Variants in PAIP2B observed in about 807,000 individuals in gnomAD.
PAIP2B encodes poly(A) binding protein interacting protein 2B, also known as polyadenylate-binding protein-interacting protein 2B.
A neutral mutation model predicts 17.0 loss-of-function variants in PAIP2B; 13 were observed. The observed-to-expected ratio is 0.76, with a 90% CI of 0.50 to 1.22. The LOEUF (loss-of-function observed/expected upper bound fraction) is 1.22, where lower values mean the gene tolerates loss of function less well. Among genes scored for constraint, PAIP2B ranks in the 50% most tolerant of loss-of-function variants. PAIP2B has a pLI of 0.00. For missense variants in PAIP2B, 117 were observed against 144.5 expected, an observed-to-expected ratio of 0.81 and a Z score of 0.98; for synonymous variants, 43 against 48.7, an observed-to-expected ratio of 0.88 and a Z score of 0.48.
chr2:71,190,124 T>G, intron 2 of PAIP2B, 103 bp from the exon 3 acceptor site: 2 of 1,172,628 alleles, frequency 1.7e-6, no homozygotes, highest in African/African-American at 1.6e-5. Context: ...ACTCTGCAAT[T>G]AAGAATGATC....
intron 1 of PAIP2B, among the ~76,000 whole-genome samples, chr2:71,219,537 C>T (rs981681395): frequency 1.3e-5 from 2 of 152,068 alleles, no homozygotes; most frequent in East Asian, 1.9e-4. Flanking sequence ...GAGGAAAAGA[C>T]AAAGGAAAGG....
intron 1 of PAIP2B, among the ~76,000 whole-genome samples, chr2:71,213,151 C>T (rs768391787): frequency 1.3e-5 from 2 of 152,112 alleles, no homozygotes; most frequent in East Asian, 1.9e-4. Flanking sequence ...ATTCTCTTTA[C>T]GAGCTGTATA....
At position 71,182,871 on chromosome 2, in the gene PAIP2B, C is replaced by T. The variant is rs1450863052; in HGVS notation, c.*5608G>A. The T allele has an allele frequency of 1.4e-5, 2 of 146,306 alleles. No homozygotes were observed. The highest frequency in any genetic ancestry group is 7.0e-5 in the Admixed American group (1 of 14,328). The allele number at this position is 146,306 out of a possible 1,614,324, so 9.1% of individuals were successfully genotyped here. A position where few individuals can be genotyped will look rare whatever the true frequency, so the allele number is the denominator to read the frequency against. On this transcript the variant is annotated 3_prime_UTR_variant, in exon 4 of 4. Transcript: ENST00000244221. ...TCTTCAGTTTTAAAGCCCTGTCCCTCCCCCAAAGAAGGATTAATAACTACC... is the reference window on the plus strand; with the variant it reads ...TCTTCAGTTTTAAAGCCCTGTCCCTTCCCCAAAGAAGGATTAATAACTACC...
chr2:71,192,310 C>A (rs1674706213), intron 2 of PAIP2B, among the ~76,000 whole-genome samples: 1 of 148,800 alleles, frequency 6.7e-6, no homozygotes, highest in Admixed American at 6.8e-5. Flanking sequence ...AACCTTGCAT[C>A]AAGCAAGCCT....
intron 2 of PAIP2B, among the ~76,000 whole-genome samples, chr2:71,195,087 C>T (rs1674784007): frequency 1.3e-5 from 2 of 152,176 alleles, no homozygotes; most frequent in Admixed American, 1.3e-4. Context: ...CCTACTTAAT[C>T]ATTGTGGATT....
chr2:71,190,501 G>A (rs1163352567), intron 2 of PAIP2B, among the ~76,000 whole-genome samples: 6 of 152,096 alleles, frequency 3.9e-5, no homozygotes, highest in African/African-American at 7.2e-5. Context: ...GATTCAATGC[G>A]CCTAATGACT....
Position 71,183,331 on chromosome 2 carries a change from T to C in PAIP2B, c.*5148A>G, listed in dbSNP as rs1169602161. ...TGCTCATACTTATTAAATGGATTTA[T>C]TGGATGCTTCAAAAGTCCTGATGTG... On this transcript the variant is annotated 3_prime_UTR_variant, in exon 4 of 4. Transcript: ENST00000244221. The C allele has an allele frequency of 2.9e-5, 1 of 34,428 alleles. No individual in the cohort carries two copies. The highest frequency in any genetic ancestry group is 1.2e-4 in the African/African-American group (1 of 8,020). The allele number at this position is 34,428 out of a possible 1,614,324, so 2.1% of individuals were successfully genotyped here.
At chr2:71,193,094 C>G (rs183758187) in intron 2 of PAIP2B, among the ~76,000 whole-genome samples, 3 of 152,110 alleles carry the variant, frequency 2.0e-5, no homozygotes, top group African/African-American at 4.8e-5. Flanking sequence ...CTCACCAGCA[C>G]GTGTTTTTTC....
chr2:71,186,144 G>A lies in PAIP2B; in HGVS notation c.*2335C>T, dbSNP rs1455181166. The A allele has an allele frequency of 1.3e-5, 2 of 152,174 alleles. No homozygotes were observed. The highest frequency in any genetic ancestry group is 2.9e-5 in the Non-Finnish European group (2 of 68,038). 9.4% of individuals were successfully genotyped at this position (152,174 alleles called of 1,614,324 possible). On this transcript the variant is annotated 3_prime_UTR_variant, in exon 4 of 4. Coordinates refer to ENST00000244221, the MANE Select transcript of PAIP2B (RefSeq NM_020459.1). ...GTGAGAAAAGTCACTGACAGCCAGAGGCTCCCAGCCTTTCCCCAGTGAAGG... is the reference window on the plus strand; with the variant it reads ...GTGAGAAAAGTCACTGACAGCCAGAAGCTCCCAGCCTTTCCCCAGTGAAGG...
intron 1 of PAIP2B, among the ~76,000 whole-genome samples, chr2:71,221,942 T>G (rs1209689251): frequency 6.6e-6 from 1 of 152,080 alleles, no homozygotes; most frequent in African/African-American, 2.4e-5. Context: ...AGGGCACTCT[T>G]GATAGCCCAG....
chr2:71,207,060 G>C (rs1489623348), intron 1 of PAIP2B, among the ~76,000 whole-genome samples: 1 of 152,190 alleles, frequency 6.6e-6, no homozygotes, highest in African/African-American at 2.4e-5. Flanking sequence ...CACTGGGCTT[G>C]ACTCTTGCTT....
intron 1 of PAIP2B, among the ~76,000 whole-genome samples, chr2:71,213,785 G>T (rs1021805714): frequency 6.6e-5 from 10 of 152,070 alleles, no homozygotes; most frequent in Admixed American, 5.9e-4. Flanking sequence ...AGTTTCTCCA[G>T]GCCTTTAAAG....
rs927685691 is a variant in PAIP2B at position 71,185,128 on chromosome 2, A to G, written c.*3351T>C. The G allele has an allele frequency of 2.0e-5, 3 of 151,988 alleles. No individual in the cohort carries two copies. The highest frequency in any genetic ancestry group is 7.3e-5 in the African/African-American group (3 of 41,356). The allele number at this position is 151,988 out of a possible 1,614,324, so 9.4% of individuals were successfully genotyped here. On this transcript the variant is annotated 3_prime_UTR_variant, in exon 4 of 4. Transcript: ENST00000244221. ...TCTTCACACAACTTTCCTCTCTAAC[A>G]CGTGTTAATTATCAGAGTATTCACC...
At position 71,202,620 on chromosome 2, in the gene PAIP2B, A is replaced by T. The variant is rs35398551; in HGVS notation, c.-11-20T>A. ...TGGAACCTAAAGAGAAGCAAAAGAA[A>T]AGATAAAATGAATATAAGGATAAAG... On this transcript the variant is annotated intron_variant, in intron 1 of 3. Transcript: ENST00000244221. 190,640 of 1,584,158 alleles carry T rather than the reference A, an allele frequency of 0.12. 12,430 individuals are homozygous for T. Among genetic ancestry groups the T allele is most frequent in the African/African-American group, 0.15 (11,416 of 73,998 alleles).
At chr2:71,190,142 G>A in intron 2 of PAIP2B, 121 bp from the exon 3 acceptor site, 1 of 1,002,684 alleles carries the variant, frequency 1.0e-6, no homozygotes, top group Non-Finnish European at 1.4e-6. Context: ...ATCTTGAGCT[G>A]GGTGTGGTGG....
rs1320366406 is a variant in PAIP2B, at chr2:71,188,486, T to C, written c.365A>G (p.Lys122Arg). The change falls in exon 4 of 4, where the codon AAG (lysine) becomes AGG (arginine). Residue 122 changes from lysine (K) to arginine (R), a missense_variant. Coordinates refer to ENST00000244221, the MANE Select transcript of PAIP2B (RefSeq NM_020459.1). ...CCTCAAAGCTTTCTCGGCTCAGTAC[T>C]TCTCTCCTGGAATAAACTCCTTGGC... Reference protein sequence around the residue: ...PDAKEFIPGEKY With the variant: ...PDAKEFIPGERY 2.8e-5 allele frequency: 45 copies of C among 1,606,696 alleles called. No homozygotes were observed. Among genetic ancestry groups the C allele is most frequent in the Non-Finnish European group, 3.7e-5 (44 of 1,176,066 alleles).
intron 1 of PAIP2B, among the ~76,000 whole-genome samples, chr2:71,208,094 C>T (rs1190633605): frequency 6.6e-6 from 1 of 151,874 alleles, no homozygotes; most frequent in African/African-American, 2.4e-5. Flanking sequence ...AGAAGAGGGC[C>T]CATGACCCAG....
At chr2:71,221,325 G>T (rs763713) in intron 1 of PAIP2B, among the ~76,000 whole-genome samples, 139,751 of 152,328 alleles carry the variant, frequency 0.92, 64,194 homozygotes, top group African/African-American at 0.94. Flanking sequence ...TGCTAGTCTC[G>T]GTTTGGAATG....
At chr2:71,219,795 T>C (rs145494124) in intron 1 of PAIP2B, among the ~76,000 whole-genome samples, 1 of 152,316 alleles carries the variant, frequency 6.6e-6, no homozygotes, top group Non-Finnish European at 1.5e-5. Context: ...CATAGTCCTA[T>C]TCTCCCTCCA....
Sources: allele counts gnomAD v4.1 joint callset (sites outside exome capture counted in the v4.1 genomes callset), GRCh38; gene constraint gnomAD v4.1.1; transcripts MANE v1.5; gene names NCBI Gene and HGNC (gene_info 2026-07-23, HGNC 2026-07-21).